NTRK3: variants seen among roughly 807,000 people sequenced by gnomAD.
NTRK3 encodes NT-3 growth factor receptor.
Under a neutral mutation model 91.7 loss-of-function variants are expected in NTRK3, and 24 were observed. The ratio of observed to expected loss-of-function variants is 0.26; its 90% CI spans 0.19 to 0.37. The LOEUF (loss-of-function observed/expected upper bound fraction) is 0.37, where lower values mean the gene tolerates loss of function less well. NTRK3 is among the 10% of genes least tolerant of loss of function. The pLI is 1.00. For synonymous variants in NTRK3, 483 were observed against 404.0 expected, an observed-to-expected ratio of 1.20 and a Z score of -2.34; for missense variants, 880 against 1,068.9, an observed-to-expected ratio of 0.82 and a Z score of 2.46.
intron 3 of NTRK3, among the ~76,000 whole-genome samples, chr15:88,230,198 G>T (rs1167670407): frequency 1.3e-5 from 2 of 152,116 alleles, no homozygotes; most frequent in South Asian, 4.2e-4. Context: ...AATGAAAAGT[G>T]CTCAGCACAT....
At chr15:88,094,102 A>C (rs2150788534) in intron 13 of NTRK3, among the ~76,000 whole-genome samples, 1 of 152,246 alleles carries the variant, frequency 6.6e-6, no homozygotes, top group East Asian at 1.9e-4. Context: ...CAAGTCTTTA[A>C]AAAGCCAGTG....
At chr15:88,173,307 A>T (rs192183023) in intron 5 of NTRK3, among the ~76,000 whole-genome samples, 2 of 151,882 alleles carry the variant, frequency 1.3e-5, no homozygotes. Context: ...GAGCTTATCT[A>T]CTCTGGCCCA....
intron 13 of NTRK3, among the ~76,000 whole-genome samples, chr15:88,035,877 T>C (rs1238494757): frequency 1.3e-5 from 2 of 151,708 alleles, no homozygotes; most frequent in Non-Finnish European, 2.9e-5. Flanking sequence ...TAGTGAAGAG[T>C]CCTTGGAAAT....
chr15:87,863,444 G>C, exon 19 of NTRK3: 1 of 221,100 alleles, frequency 4.5e-6, no homozygotes, highest in Non-Finnish European at 9.0e-6. Flanking sequence ...CGAGAAGCAA[G>C]AAATCCCGCT....
intron 14 of NTRK3, among the ~76,000 whole-genome samples, chr15:87,973,832 C>T (rs921545781): frequency 6.6e-6 from 1 of 152,148 alleles, no homozygotes; most frequent in Non-Finnish European, 1.5e-5. Flanking sequence ...CCCTCTCCCC[C>T]TCCCTGTCTC....
chr15:87,969,561 T>C (rs1041793946), intron 14 of NTRK3, among the ~76,000 whole-genome samples: 3 of 152,188 alleles, frequency 2.0e-5, no homozygotes, highest in African/African-American at 7.2e-5. Context: ...GCCAGGCTAC[T>C]TCTCTACAGC....
At chr15:88,094,981 C>G (rs948026814) in intron 13 of NTRK3, among the ~76,000 whole-genome samples, 5 of 152,224 alleles carry the variant, frequency 3.3e-5, no homozygotes, top group Non-Finnish European at 7.3e-5. Context: ...TCTCACAGAT[C>G]TTGTTTAGAC....
intron 13 of NTRK3, among the ~76,000 whole-genome samples, chr15:88,047,773 T>A (rs1310898538): frequency 6.6e-6 from 1 of 152,192 alleles, no homozygotes; most frequent in Non-Finnish European, 1.5e-5. Flanking sequence ...TTATCTGTTG[T>A]TCCAGCATCA....
rs1418827703 is a variant in NTRK3, at chr15:87,932,376, A to C, written c.1889+636T>G. Among the ~76,000 whole-genome samples the C allele has an allele frequency of 1.1e-4, 16 of 152,248 alleles. 1 individual carries two copies. On this transcript the variant is annotated intron_variant, in intron 16 of 18. Coordinates refer to ENST00000394480, the Ensembl canonical transcript of NTRK3. The stretch of plus-strand genomic sequence containing the variant: ...CAAGTAGTTGAAATATGGCTACTGC[A>C]ACCAAGGAACTAGTGCGACTGAATT...
intron 13 of NTRK3, among the ~76,000 whole-genome samples, chr15:88,076,747 A>T (rs2047581642): frequency 6.6e-6 from 1 of 151,982 alleles, no homozygotes; most frequent in South Asian, 2.1e-4. Context: ...CTATGAGAGA[A>T]AGCACAAAGG....
At chr15:88,182,416 C>T (rs1188149089) in intron 5 of NTRK3, among the ~76,000 whole-genome samples, 2 of 152,190 alleles carry the variant, frequency 1.3e-5, no homozygotes, top group East Asian at 3.9e-4. Context: ...CCGGTGCATG[C>T]AATTTCTCTC....
At chr15:88,122,510 G>C (rs2052828073) in intron 13 of NTRK3, among the ~76,000 whole-genome samples, 1 of 152,126 alleles carries the variant, frequency 6.6e-6, no homozygotes, top group Non-Finnish European at 1.5e-5. Flanking sequence ...ATGACTAAAG[G>C]GGTTTTAGTT....
In NTRK3 at chr15:88,199,593, G is replaced by C. The variant is rs74459736; in HGVS notation, c.249-15294C>G. Among the ~76,000 whole-genome samples the C allele has an allele frequency of 4.2e-3, 635 of 152,332 alleles. 5 individuals are homozygous for C. The highest frequency in any genetic ancestry group is 0.014 in the African/African-American group (585 of 41,576). ...AGGAGTCCCATAGTGGGGCAGGACA[G>C]GGGAATGCAACAAAGACTCTAACCG... On this transcript the variant is annotated intron_variant, in intron 3 of 18. Transcript: ENST00000394480.
At chr15:87,943,762 T>G (rs2142046978) in intron 14 of NTRK3, among the ~76,000 whole-genome samples, 1 of 152,142 alleles carries the variant, frequency 6.6e-6, no homozygotes, top group South Asian at 2.1e-4. Flanking sequence ...GAGTGGTTTC[T>G]CAGCCCTCCC....
chr15:88,108,715 A>G (rs947192869), intron 13 of NTRK3, among the ~76,000 whole-genome samples: 4 of 152,254 alleles, frequency 2.6e-5, no homozygotes, highest in African/African-American at 9.6e-5. Context: ...GCAGGGGCCA[A>G]AAAACAGACT....
At chr15:87,890,972 T>A (rs990160799) in intron 17 of NTRK3, among the ~76,000 whole-genome samples, 2 of 152,226 alleles carry the variant, frequency 1.3e-5, no homozygotes, top group African/African-American at 4.8e-5. Context: ...CATGACTTCT[T>A]ATTGATTTTT....
intron 3 of NTRK3, among the ~76,000 whole-genome samples, chr15:88,236,339 T>C (rs749322775): frequency 1.3e-5 from 2 of 152,006 alleles, no homozygotes; most frequent in Non-Finnish European, 2.9e-5. Context: ...ATTCCATTTC[T>C]ATGAAGCTGT....
chr15:87,977,274 C>A (rs983778823), intron 14 of NTRK3: 4 of 175,934 alleles, frequency 2.3e-5, no homozygotes, highest in Non-Finnish European at 3.7e-5. Context: ...AAAAGAGTAA[C>A]AGGAAAACAG....
chr15:88,020,048 G>A (rs1463386628), intron 14 of NTRK3, among the ~76,000 whole-genome samples: 1 of 152,222 alleles, frequency 6.6e-6, no homozygotes, highest in African/African-American at 2.4e-5. Context: ...AGTCAAATAA[G>A]CAGACAGACA....
Sources: gnomAD v4.1 joint callset for allele counts (sites outside exome capture counted in the v4.1 genomes callset) on GRCh38, gnomAD v4.1.1 for gene constraint, MANE v1.5 for transcripts, NCBI Gene and HGNC (gene_info 2026-07-23, HGNC 2026-07-21) for gene names.